Variants in NR1D2 observed in about 807,000 individuals in gnomAD.
NR1D2 encodes nuclear receptor subfamily 1 group D member 2, also known as V-erbA-related protein 1-related.
Under a neutral mutation model 52.2 loss-of-function variants are expected in NR1D2, and 25 were observed. That is an observed-to-expected ratio of 0.48 (90% CI 0.35 to 0.67). NR1D2 has a LOEUF of 0.67. Ranked by LOEUF, NR1D2 falls within the 30% of genes least tolerant of loss-of-function variation. NR1D2 has a pLI of 0.01. For synonymous variants in NR1D2, 259 were observed against 230.1 expected (o/e 1.13, Z -1.14); for missense variants, 681 against 707.2 (o/e 0.96, Z 0.42).
Position 23,962,142 on chromosome 3 carries a change from G to A in NR1D2, c.683G>A (p.Arg228Gln). The change falls in exon 5 of 8, where the codon CGA (arginine) becomes CAA (glutamine). Residue 228 changes from arginine (R) to glutamine (Q), a missense_variant. Arg to Gln is a conservative substitution (Grantham distance 43). This residue lies in a region of NR1D2 where 475 missense variants were observed against 454.5 expected (regional missense o/e 1.05). Transcript: ENST00000312521. ...QTALPAQEQL[R>Q]PKPQLEQENI... ...GCCTTGCCAGCCCAGGAACAGCTGC[G>A]ACCCAAGCCCCAACTGGAGCAAGAA... 3 of 1,614,052 alleles carry A rather than the reference G, an allele frequency of 1.9e-6. No individual in the cohort carries two copies. The highest frequency in any genetic ancestry group is 2.2e-5 in the East Asian group (1 of 44,886).
chr3:23,951,644 C>A (rs1011232526), intron 1 of NR1D2, among the ~76,000 whole-genome samples: 1 of 152,168 alleles, frequency 6.6e-6, no homozygotes, highest in Non-Finnish European at 1.5e-5. Context: ...GATATTCTGG[C>A]GGTTGTATCG....
intron 3 of NR1D2, among the ~76,000 whole-genome samples, chr3:23,959,232 C>T (rs1395297025): frequency 2.0e-5 from 3 of 148,530 alleles, no homozygotes; most frequent in Non-Finnish European, 4.4e-5. Context: ...CCACTGCACT[C>T]TAGCCTGGGC....
intron 1 of NR1D2, among the ~76,000 whole-genome samples, chr3:23,953,342 C>CAAAAA (rs55698030): frequency 3.8e-5 from 2 of 52,432 alleles, no homozygotes; most frequent in Non-Finnish European, 7.8e-5. Flanking sequence ...GACTCTGTCT[C>CAAAAA]AAAAAAAAAA....
intron 6 of NR1D2, among the ~76,000 whole-genome samples, chr3:23,967,092 G>A (rs1345848568): frequency 6.6e-6 from 1 of 152,150 alleles, no homozygotes; most frequent in East Asian, 1.9e-4. Context: ...TTGGGAAGCC[G>A]AGATGGGTGG....
rs112019363 is a variant in NR1D2, at chr3:23,955,992, C to T, written c.284-45C>T. ...TATCTAATTGGAAAGAAAACAGACTCGGTGTTTCCTCCTACTTTTTACTTC... is the reference window on the plus strand; with the variant it reads ...TATCTAATTGGAAAGAAAACAGACTTGGTGTTTCCTCCTACTTTTTACTTC... On this transcript the variant is annotated intron_variant, in intron 2 of 7. Coordinates refer to ENST00000312521, the MANE Select transcript of NR1D2 (RefSeq NM_005126.5). 1.9e-5 allele frequency: 26 copies of T among 1,337,236 alleles called. 1 individual carries two copies. Among genetic ancestry groups the T allele is most frequent in the South Asian group, 8.3e-5 (7 of 84,556 alleles). The allele number at this position is 1,337,236 out of a possible 1,614,324, so 82.8% of individuals were successfully genotyped here.
intron 4 of NR1D2, among the ~76,000 whole-genome samples, chr3:23,960,556 T>G (rs946194891): frequency 1.3e-5 from 2 of 152,170 alleles, no homozygotes; most frequent in African/African-American, 4.8e-5. Flanking sequence ...GGTCTCGAAC[T>G]CCTGACCTCA....
At chr3:23,957,282 A>G (rs1439219248) in intron 3 of NR1D2, among the ~76,000 whole-genome samples, 2 of 150,634 alleles carry the variant, frequency 1.3e-5, no homozygotes, top group East Asian at 4.0e-4. Context: ...GCGCCCTGCC[A>G]AGTTTGCTAA....
At chr3:23,961,558 G>A (rs1706246678) in intron 4 of NR1D2, among the ~76,000 whole-genome samples, 1 of 151,676 alleles carries the variant, frequency 6.6e-6, no homozygotes, top group Admixed American at 6.6e-5. Flanking sequence ...ATCACACCTG[G>A]CTAGTTTTTG....
intron 7 of NR1D2, among the ~76,000 whole-genome samples, chr3:23,976,370 A>G (rs1164067236): frequency 1.3e-5 from 2 of 152,208 alleles, no homozygotes; most frequent in African/African-American, 4.8e-5. Context: ...ATAGGATATG[A>G]TATGTGCCTC....
chr3:23,946,864 T>A (rs1397489253), intron 1 of NR1D2, among the ~76,000 whole-genome samples: 1 of 152,222 alleles, frequency 6.6e-6, no homozygotes, highest in Non-Finnish European at 1.5e-5. Flanking sequence ...GAGGTAGATC[T>A]GAAGTGAGTG....
At chr3:23,952,665 G>A (rs1436313750) in intron 1 of NR1D2, among the ~76,000 whole-genome samples, 2 of 151,596 alleles carry the variant, frequency 1.3e-5, no homozygotes, top group African/African-American at 4.9e-5. Context: ...GGCGGAGGTT[G>A]CAGTGAGCTG....
chr3:23,958,252 G>A (rs977714471), intron 3 of NR1D2, among the ~76,000 whole-genome samples: 1 of 152,224 alleles, frequency 6.6e-6, no homozygotes, highest in Non-Finnish European at 1.5e-5. Context: ...GCCATTGTCA[G>A]CAGGTAATGA....
rs1706778107 is a variant in NR1D2 at position 23,977,947 on chromosome 3, A to G, written c.*528A>G. On this transcript the variant is annotated 3_prime_UTR_variant, in exon 8 of 8. Transcript: ENST00000312521. ...TGGGTAGTTTACTTGCTTGCGGAAA[A>G]TGAGAATTGATGGTGTCCCCAATGC... is the stretch of plus-strand genomic sequence containing the variant. 6.6e-6 allele frequency: 1 copy of G among 152,224 alleles called. No homozygotes were observed. Among genetic ancestry groups the G allele is most frequent in the Non-Finnish European group, 1.5e-5 (1 of 68,046 alleles). The allele number at this position is 152,224 out of a possible 1,614,324, so 9.4% of individuals were successfully genotyped here.
Position 23,957,633 on chromosome 3 carries a change from G to A in NR1D2, c.372+1508G>A, listed in dbSNP as rs1383309210. 4.6e-5 allele frequency among the ~76,000 whole-genome samples: 7 copies of A among 151,494 alleles called. 1 individual carries two copies. Among genetic ancestry groups the A allele is most frequent in the Non-Finnish European group, 1.0e-4 (7 of 67,918 alleles). On this transcript the variant is annotated intron_variant, in intron 3 of 7. Transcript: ENST00000312521. ...AGCTACTCGGGAGGCTGAGGCAGGA[G>A]AATGGCGTGAACCCGGGAGGCGGAG...
Position 23,979,027 on chromosome 3 carries a change from A to G in NR1D2, c.*1608A>G, listed in dbSNP as rs995367401. 3 of 152,104 alleles carry G rather than the reference A, an allele frequency of 2.0e-5. No individual in the cohort carries two copies. Among genetic ancestry groups the G allele is most frequent in the African/African-American group, 7.2e-5 (3 of 41,446 alleles). 9.4% of individuals were successfully genotyped at this position (152,104 alleles called of 1,614,324 possible). A position where few individuals can be genotyped will look rare whatever the true frequency, so the allele number is the denominator to read the frequency against. ...CTTCTGTATAATGTTTGGATTATATAAAATTGCAAAAATGATAACAGCCCG... is the reference window on the plus strand; with the variant it reads ...CTTCTGTATAATGTTTGGATTATATGAAATTGCAAAAATGATAACAGCCCG... On this transcript the variant is annotated 3_prime_UTR_variant, in exon 8 of 8. Coordinates refer to ENST00000312521, the MANE Select transcript of NR1D2 (RefSeq NM_005126.5).
Position 23,962,112 on chromosome 3 carries a change from A to G in NR1D2, c.653A>G (p.Gln218Arg). The change falls in exon 5 of 8, where the codon CAG (glutamine) becomes CGG (arginine). Residue 218 changes from glutamine to arginine, a missense_variant. Physicochemically the swap from Gln to Arg is conservative, Grantham distance 43. Coordinates refer to ENST00000312521, the MANE Select transcript of NR1D2 (RefSeq NM_005126.5). ...GACACATTAGTAGAACATCATGAAC[A>G]GACAGCCTTGCCAGCCCAGGAACAG... ...QNDTLVEHHE[Q>R]TALPAQEQLR... 2 of 1,614,196 alleles carry G rather than the reference A, an allele frequency of 1.2e-6. No homozygotes were observed. Among genetic ancestry groups the G allele is most frequent in the Non-Finnish European group, 1.7e-6 (2 of 1,180,022 alleles).
chr3:23,959,140 T>G (rs1706169353), intron 3 of NR1D2, among the ~76,000 whole-genome samples: 1 of 151,980 alleles, frequency 6.6e-6, no homozygotes, highest in Non-Finnish European at 1.5e-5. Context: ...TGGTGGCGCA[T>G]GCCTGTAGTC....
intron 4 of NR1D2, among the ~76,000 whole-genome samples, chr3:23,960,624 G>A (rs2125289807): frequency 6.6e-6 from 1 of 152,292 alleles, no homozygotes; most frequent in Non-Finnish European, 1.5e-5. Flanking sequence ...GAGCCATCAG[G>A]CGTGGCCAGG....
chr3:23,951,201 G>T (rs1160780286), intron 1 of NR1D2, among the ~76,000 whole-genome samples: 2 of 152,074 alleles, frequency 1.3e-5, no homozygotes, highest in Admixed American at 1.3e-4. Context: ...CACTGTGCCC[G>T]GCCAGCTCTA....
Sources: allele counts gnomAD v4.1 joint callset (sites outside exome capture counted in the v4.1 genomes callset), GRCh38; gene constraint gnomAD v4.1.1; regional missense constraint gnomAD v4.1.1; transcripts MANE v1.5; gene names NCBI Gene and HGNC (gene_info 2026-07-23, HGNC 2026-07-21).